PXDNL: variants seen among roughly 807,000 people sequenced by gnomAD.
PXDNL encodes the protein probable oxidoreductase PXDNL.
In PXDNL, 145 loss-of-function variants were observed where a neutral mutation model predicts 150.8. The ratio of observed to expected loss-of-function variants is 0.96; its 90% CI spans 0.84 to 1.10. PXDNL has a LOEUF of 1.10. PXDNL is among the 50% of genes least tolerant of loss of function. PXDNL has a pLI of 0.00. For synonymous variants in PXDNL, 757 were observed against 725.7 expected, an observed-to-expected ratio of 1.04 and a Z score of -0.69; for missense variants, 2,087 against 1,873.9, an observed-to-expected ratio of 1.11 and a Z score of -2.10.
chr8:51,394,751 T>C (rs1808026723), intron 17 of PXDNL, among the ~76,000 whole-genome samples: 1 of 152,194 alleles, frequency 6.6e-6, no homozygotes, highest in Non-Finnish European at 1.5e-5. Flanking sequence ...TCACTCTAAC[T>C]AGCATTCATA....
intron 1 of PXDNL, among the ~76,000 whole-genome samples, chr8:51,659,766 A>G (rs1158915930): frequency 6.6e-6 from 1 of 152,198 alleles, no homozygotes; most frequent in Non-Finnish European, 1.5e-5. Flanking sequence ...TTCCCAGTGG[A>G]TTTTAGGGCA....
Position 51,441,967 on chromosome 8 carries a change from A to G in PXDNL, c.1525+5037T>C, listed in dbSNP as rs1809562257. Reference sequence around the variant, plus strand: ...AGCACCCTGATGACCAAATAAGGCCACAAAGCAACAGAAGGAGAGGTCGCC... The same window carrying G: ...AGCACCCTGATGACCAAATAAGGCCGCAAAGCAACAGAAGGAGAGGTCGCC... On this transcript the variant is annotated intron_variant, in intron 12 of 22. Coordinates refer to ENST00000356297, the MANE Select transcript of PXDNL (RefSeq NM_144651.5). Among the ~76,000 whole-genome samples, 11 of 150,724 alleles carry G rather than the reference A, an allele frequency of 7.3e-5. No homozygotes were observed. The South Asian group carries it at 2.3e-3, about 31-fold the overall frequency.
chr8:51,570,271 A>C (rs1165972315), intron 3 of PXDNL, among the ~76,000 whole-genome samples: 1 of 151,922 alleles, frequency 6.6e-6, no homozygotes, highest in Non-Finnish European at 1.5e-5. Context: ...CCACTAGGTA[A>C]AGCTAAGGAT....
chr8:51,363,948 T>C (rs1007472608), intron 19 of PXDNL, among the ~76,000 whole-genome samples: 4 of 152,184 alleles, frequency 2.6e-5, no homozygotes, highest in Non-Finnish European at 4.4e-5. Flanking sequence ...ATAGATACTA[T>C]AGTACTGGGC....
chr8:51,455,234 A>G (rs1180379392), intron 9 of PXDNL, among the ~76,000 whole-genome samples: 1 of 152,006 alleles, frequency 6.6e-6, no homozygotes, highest in Non-Finnish European at 1.5e-5. Context: ...AATCTGATGC[A>G]TGCATGGAAC....
At chr8:51,647,745 T>A (rs1428409675) in intron 2 of PXDNL, among the ~76,000 whole-genome samples, 1 of 150,902 alleles carries the variant, frequency 6.6e-6, no homozygotes, top group East Asian at 1.9e-4. Context: ...TCAGCTATAA[T>A]ATAAGGATCA....
At chr8:51,666,515 G>C (rs1228141860) in intron 1 of PXDNL, among the ~76,000 whole-genome samples, 2 of 152,008 alleles carry the variant, frequency 1.3e-5, no homozygotes, top group Non-Finnish European at 1.5e-5. Context: ...CTTTCTCTTA[G>C]ATATTGACTA....
chr8:51,692,471 A>G (rs1024099294), intron 1 of PXDNL, among the ~76,000 whole-genome samples: 1 of 152,242 alleles, frequency 6.6e-6, no homozygotes, highest in African/African-American at 2.4e-5. Context: ...AAAGTCCATG[A>G]AAGTATAACA....
intron 1 of PXDNL, among the ~76,000 whole-genome samples, chr8:51,701,093 A>G (rs781702363): frequency 4.6e-5 from 7 of 152,078 alleles, no homozygotes; most frequent in Non-Finnish European, 8.8e-5. Context: ...GCTTCCTAAC[A>G]TTGAACATTG....
At chr8:51,673,075 C>T (rs1182393204) in intron 1 of PXDNL, among the ~76,000 whole-genome samples, 1 of 152,116 alleles carries the variant, frequency 6.6e-6, no homozygotes, top group African/African-American at 2.4e-5. Flanking sequence ...AATACGCACA[C>T]ACATTCTTCA....
chr8:51,478,231 A>G (rs963576100), intron 6 of PXDNL, among the ~76,000 whole-genome samples: 1 of 152,200 alleles, frequency 6.6e-6, no homozygotes, highest in Admixed American at 6.5e-5. Context: ...TGAATACACT[A>G]TGTTTAAAAT....
intron 1 of PXDNL, among the ~76,000 whole-genome samples, chr8:51,670,522 G>T (rs1396624015): frequency 6.6e-6 from 1 of 152,050 alleles, no homozygotes; most frequent in Non-Finnish European, 1.5e-5. Context: ...TAATACAATG[G>T]TAACTATTTG....
intron 12 of PXDNL, among the ~76,000 whole-genome samples, chr8:51,430,834 G>T (rs567048348): frequency 9.9e-5 from 15 of 152,060 alleles, no homozygotes; most frequent in Non-Finnish European, 1.8e-4. Flanking sequence ...CAAAATATCT[G>T]CAGTAAAAAT....
At chr8:51,639,409 C>T (rs1418104555) in intron 2 of PXDNL, among the ~76,000 whole-genome samples, 2 of 152,108 alleles carry the variant, frequency 1.3e-5, no homozygotes, top group Non-Finnish European at 2.9e-5. Context: ...TCAACGAATC[C>T]AGGAGCTGGT....
chr8:51,744,957 AAAG>A (rs2036964203), intron 1 of PXDNL, among the ~76,000 whole-genome samples: 9 of 37,428 alleles, frequency 2.4e-4, no homozygotes, highest in South Asian at 1.7e-3. Context: ...AGAAAGAAAG[AAAG>A]AAAGAAAGAA....
intron 1 of PXDNL, among the ~76,000 whole-genome samples, chr8:51,712,988 C>T (rs1816530970): frequency 6.6e-6 from 1 of 152,164 alleles, no homozygotes; most frequent in Non-Finnish European, 1.5e-5. Flanking sequence ...GGGTACTCAT[C>T]ACAATTAAAT....
rs1035142762 is a variant in PXDNL, at chr8:51,474,995, A to G, written c.671T>C (p.Val224Ala). 1.2e-6 allele frequency: 2 copies of G among 1,603,752 alleles called. No individual in the cohort carries two copies. Among genetic ancestry groups the G allele is most frequent in the African/African-American group, 2.7e-5 (2 of 74,760 alleles). Reference sequence around the variant, plus strand: ...ACGGCAATTGAATTCCTCTACTGTTACTGAAGCAACTGCACGCCCATGGAG... The same window carrying G: ...ACGGCAATTGAATTCCTCTACTGTTGCTGAAGCAACTGCACGCCCATGGAG... ...RRLHGRAVAS[V>A]TVEEFNCQSP... The change falls in exon 7 of 23, where the codon GTA becomes GCA. Residue 224 changes from valine (V) to alanine (A), a missense_variant. Val to Ala is a moderately conservative substitution (Grantham distance 64). Transcript: ENST00000356297.
intron 4 of PXDNL, among the ~76,000 whole-genome samples, chr8:51,522,613 G>A (rs932134981): frequency 2.6e-5 from 4 of 152,206 alleles, no homozygotes; most frequent in Admixed American, 1.3e-4. Context: ...GGGGGCCGAA[G>A]TGGGTGGATC....
chr8:51,652,330 C>A (rs1485303522), intron 2 of PXDNL, among the ~76,000 whole-genome samples: 7 of 151,996 alleles, frequency 4.6e-5, no homozygotes, highest in Admixed American at 3.9e-4. Context: ...CCTCTGAAGT[C>A]TCAGGAGTGG....
Sources: allele counts gnomAD v4.1 joint callset (sites outside exome capture counted in the v4.1 genomes callset), GRCh38; gene constraint gnomAD v4.1.1; transcripts MANE v1.5; gene names NCBI Gene and HGNC (gene_info 2026-07-23, HGNC 2026-07-21).